ARHGEF33: variants seen among roughly 807,000 people sequenced by gnomAD.
ARHGEF33 encodes Rho guanine nucleotide exchange factor 33.
A neutral mutation model predicts 101.9 loss-of-function variants in ARHGEF33; 72 were observed. The observed-to-expected ratio is 0.71, with a 90% confidence interval of 0.58 to 0.86. ARHGEF33 has a LOEUF of 0.86. ARHGEF33 is among the 40% of genes least tolerant of loss of function. The pLI, the probability that ARHGEF33 is intolerant of heterozygous loss-of-function variation, is 0.00. For missense variants in ARHGEF33, 1,169 were observed against 1,111.3 expected (o/e 1.05, Z -0.74); for synonymous variants, 499 against 442.5 (o/e 1.13, Z -1.60).
intron 2 of ARHGEF33, among the ~76,000 whole-genome samples, chr2:38,904,801 G>C (rs1364949379): frequency 6.6e-6 from 1 of 152,042 alleles, no homozygotes; most frequent in Non-Finnish European, 1.5e-5. Flanking sequence ...GACATTTAAA[G>C]GAAAACAATC....
At chr2:38,919,578 C>G in intron 3 of ARHGEF33, 106 bp downstream of exon 3, 1 of 1,144,416 alleles carries the variant, frequency 8.7e-7, no homozygotes, top group South Asian at 1.3e-5. Context: ...TAACTATTTT[C>G]ATTTCCCTAT....
chr2:38,956,752 A>G, intron 13 of ARHGEF33, 147 bp from the exon 14 acceptor site: 1 of 967,012 alleles, frequency 1.0e-6, no homozygotes, highest in Non-Finnish European at 1.5e-6. Context: ...CTTTCAGCGT[A>G]TAATTAGATG....
rs186818666 is a variant in ARHGEF33, at chr2:38,892,265, A to C, written c.-159+2279A>C. ...AGCCCTTTCCACCTTTCCCCAGGCT[A>C]TGCTGGCATGGTTTTAGCAAGCAAT... On this transcript the variant is annotated intron_variant, in intron 1 of 17. Transcript: ENST00000409978. Among the ~76,000 whole-genome samples, 27 of 152,254 alleles carry C rather than the reference A, an allele frequency of 1.8e-4. No homozygotes were observed. The Middle Eastern group carries it at 0.01, about 58-fold the overall frequency.
chr2:38,951,991 G>A (rs1667621810), intron 11 of ARHGEF33, among the ~76,000 whole-genome samples: 1 of 152,206 alleles, frequency 6.6e-6, no homozygotes, highest in Non-Finnish European at 1.5e-5. Flanking sequence ...AGCTGCAGTG[G>A]AGCAGCTGTG....
intron 2 of ARHGEF33, among the ~76,000 whole-genome samples, chr2:38,904,428 G>A (rs1435411918): frequency 2.0e-5 from 3 of 152,028 alleles, no homozygotes; most frequent in East Asian, 3.8e-4. Context: ...AAAACAGGCC[G>A]GGTGCAGTGG....
At chr2:38,960,967 A>G (rs1377610355) in intron 16 of ARHGEF33, among the ~76,000 whole-genome samples, 1 of 152,156 alleles carries the variant, frequency 6.6e-6, no homozygotes, top group Non-Finnish European at 1.5e-5. Flanking sequence ...CCTGATTAAC[A>G]CACACGCATT....
chr2:38,957,983 G>C (rs373661943), intron 14 of ARHGEF33, 51 bp from the exon 15 acceptor site: 1 of 1,541,306 alleles, frequency 6.5e-7, no homozygotes, highest in African/African-American at 1.4e-5. Flanking sequence ...TGTGTTCAGA[G>C]AGCCAGTTTG....
chr2:38,933,576 GT>G (rs1194013661), intron 7 of ARHGEF33, among the ~76,000 whole-genome samples: 2 of 152,024 alleles, frequency 1.3e-5, no homozygotes, highest in Non-Finnish European at 2.9e-5. Flanking sequence ...TAGAGACACG[GT>G]TTTGCCATGT....
Position 38,929,814 on chromosome 2 carries a change from C to T in ARHGEF33, c.346C>T (p.Arg116Ter). The change falls in exon 6 of 18, where the codon CGA (arginine) becomes TGA (stop). Residue 116 changes from arginine (R) to a stop codon, truncating the protein, a stop_gained. Coordinates refer to ENST00000409978, the MANE Select transcript of ARHGEF33 (RefSeq NM_001145451.5). LOFTEE classifies it high-confidence loss of function. ...TCAACAGGAGAAGCGAAGAGAATCT[C>T]GAAAAGTTAAAGCCAAGTGAGTGTC... is the stretch of plus-strand genomic sequence containing the variant. ...QLQQEKRRES[R>*]KVKAKKTQKE... The T allele has an allele frequency of 2.6e-6, 4 of 1,551,198 alleles. No individual in the cohort carries two copies. The highest frequency in any genetic ancestry group is 3.5e-6 in the Non-Finnish European group (4 of 1,146,678).
At chr2:38,965,897 CTT>C in intron 16 of ARHGEF33, 107 bp from the exon 17 acceptor site, 2 of 1,366,034 alleles carry the variant, frequency 1.5e-6, no homozygotes, top group Non-Finnish European at 2.0e-6. Flanking sequence ...CACTGGTAGT[CTT>C]TTGGCATGGG....
chr2:38,967,595 A>C (rs1253387881), intron 17 of ARHGEF33, among the ~76,000 whole-genome samples: 1 of 152,120 alleles, frequency 6.6e-6, no homozygotes, highest in African/African-American at 2.4e-5. Flanking sequence ...ATCTTTCTTG[A>C]GACGGAGTCT....
At chr2:38,969,255 C>T (rs143215572) in intron 17 of ARHGEF33, 1 of 163,746 alleles carries the variant, frequency 6.1e-6, no homozygotes, top group Non-Finnish European at 1.5e-5. Flanking sequence ...ATCCTGAGTA[C>T]TGGAACCATT....
At chr2:38,934,391 T>C (rs1479851722) in intron 7 of ARHGEF33, among the ~76,000 whole-genome samples, 1 of 151,868 alleles carries the variant, frequency 6.6e-6, no homozygotes, top group African/African-American at 2.4e-5. Flanking sequence ...CCTCGACTTC[T>C]CCCTCTGCAT....
chr2:38,949,731 G>T (rs577859835), intron 10 of ARHGEF33, among the ~76,000 whole-genome samples: 1 of 152,262 alleles, frequency 6.6e-6, no homozygotes, highest in Admixed American at 6.5e-5. Context: ...AAGTAAAGAG[G>T]TTTAATTGGA....
In ARHGEF33 at chr2:38,974,589, C is replaced by T. The variant is rs1668236058; in HGVS notation, c.*746C>T. 6.6e-6 allele frequency: 1 copy of T among 152,080 alleles called. No homozygotes were observed. Among genetic ancestry groups the T allele is most frequent in the Admixed American group, 6.6e-5 (1 of 15,258 alleles). 9.4% of individuals were successfully genotyped at this position (152,080 alleles called of 1,614,324 possible). A position where few individuals can be genotyped will look rare whatever the true frequency, so the allele number is the denominator to read the frequency against. ...GGTTGAGCTGAGGATGGAAACAGTC[C>T]AGTCTGTGTTTTATTGAGTACTCAG... On this transcript the variant is annotated 3_prime_UTR_variant, in exon 18 of 18. Transcript: ENST00000409978.
intron 2 of ARHGEF33, among the ~76,000 whole-genome samples, chr2:38,912,964 C>T (rs1666544645): frequency 6.6e-6 from 1 of 151,146 alleles, no homozygotes; most frequent in Non-Finnish European, 1.5e-5. Flanking sequence ...AGCAGCTGTT[C>T]AAGAAAAGTT....
At chr2:38,928,644 G>A (rs1666926437) in intron 4 of ARHGEF33, 1 of 247,594 alleles carries the variant, frequency 4.0e-6, no homozygotes, top group Admixed American at 5.4e-5. Context: ...GAAGCTTGCA[G>A]AAGCACTTGT....
At chr2:38,919,161 A>G (rs1166702367) in intron 2 of ARHGEF33, among the ~76,000 whole-genome samples, 1 of 152,100 alleles carries the variant, frequency 6.6e-6, no homozygotes, top group Admixed American at 6.6e-5. Flanking sequence ...AAACTACCCT[A>G]AATTTGAATA....
intron 10 of ARHGEF33, among the ~76,000 whole-genome samples, chr2:38,948,472 C>T (rs1667508348): frequency 6.6e-6 from 1 of 151,632 alleles, no homozygotes; most frequent in Non-Finnish European, 1.5e-5. Context: ...CTCTCCCATT[C>T]TCCAAGTACA....
Sources: allele counts gnomAD v4.1 joint callset (sites outside exome capture counted in the v4.1 genomes callset), GRCh38; gene constraint gnomAD v4.1.1; transcripts MANE v1.5; gene names NCBI Gene and HGNC (gene_info 2026-07-23, HGNC 2026-07-21).